The following MYO5B variants were observed in gnomAD, a reference collection of about 807,000 sequenced individuals.
MYO5B encodes the protein myosin VB.
A neutral mutation model predicts 229.3 loss-of-function variants in MYO5B; 143 were observed. The observed-to-expected ratio is 0.62, with a 90% CI of 0.54 to 0.72. The LOEUF (loss-of-function observed/expected upper bound fraction) is 0.72, where lower values mean the gene tolerates loss of function less well. Ranked by LOEUF, MYO5B falls within the 30% of genes least tolerant of loss-of-function variation. The pLI is 0.00. For synonymous variants in MYO5B, 918 were observed against 885.2 expected, an observed-to-expected ratio of 1.04 and a Z score of -0.66; for missense variants, 2,321 against 2,331.0, an observed-to-expected ratio of 1.00 and a Z score of 0.09.
At chr18:49,901,421 C>T (rs190402208) in intron 21 of MYO5B, among the ~76,000 whole-genome samples, 3 of 152,336 alleles carry the variant, frequency 2.0e-5, no homozygotes, top group Admixed American at 6.5e-5. Flanking sequence ...CAACCCCCTA[C>T]AGGGATATTT....
chr18:49,830,717 G>A (rs1026616261), intron 39 of MYO5B, among the ~76,000 whole-genome samples: 5 of 151,358 alleles, frequency 3.3e-5, no homozygotes, highest in African/African-American at 1.2e-4. Flanking sequence ...GCATGGTGGT[G>A]CATGCCTATA....
At chr18:49,885,014 C>T (rs543846849) in intron 22 of MYO5B, among the ~76,000 whole-genome samples, 1 of 152,220 alleles carries the variant, frequency 6.6e-6, no homozygotes, top group South Asian at 2.1e-4. Flanking sequence ...AAATCAGAAC[C>T]CTCATATGCT....
intron 17 of MYO5B, among the ~76,000 whole-genome samples, chr18:49,913,315 T>C (rs1166999305): frequency 6.6e-6 from 1 of 152,206 alleles, no homozygotes; most frequent in African/African-American, 2.4e-5. Flanking sequence ...CTCATTAAGG[T>C]GGTCTCGATT....
intron 1 of MYO5B, among the ~76,000 whole-genome samples, chr18:50,159,427 T>A (rs1183949010): frequency 2.0e-5 from 3 of 152,098 alleles, no homozygotes; most frequent in Admixed American, 2.0e-4. Context: ...CTCACACCCA[T>A]CTTTCCCAGG....
intron 16 of MYO5B, among the ~76,000 whole-genome samples, chr18:49,935,186 G>C (rs1418477124): frequency 2.0e-5 from 3 of 152,224 alleles, no homozygotes; most frequent in Admixed American, 1.3e-4. Context: ...TTTGACGTCA[G>C]TTAGACACTG....
chr18:50,137,960 A>C (rs1468834012), intron 1 of MYO5B, among the ~76,000 whole-genome samples: 1 of 152,238 alleles, frequency 6.6e-6, no homozygotes, highest in Non-Finnish European at 1.5e-5. Context: ...AGGAAGTAAC[A>C]GACATTGGTG....
Position 49,984,795 on chromosome 18 carries a change from T to A in MYO5B, c.869A>T (p.Gln290Leu). ...TSAEDFFYTSQGGDTSIEGVD... is the reference protein window; with the variant it reads ...TSAEDFFYTSLGGDTSIEGVD... ...ACCCTCGATGGAAGTGTCTCCTCCC[T>A]GTGATGTATAGAAAAAGTCCTCTGC... The change falls in exon 8 of 40, where the codon CAG becomes CTG. Residue 290 changes from glutamine (Q) to leucine (L), a missense_variant. Physicochemically the swap from Gln to Leu is moderately radical, Grantham distance 113 (BLOSUM62 -2). Transcript: ENST00000285039. 2 of 1,613,696 alleles carry A rather than the reference T, an allele frequency of 1.2e-6. No individual in the cohort carries two copies. Among genetic ancestry groups the A allele is most frequent in the Non-Finnish European group, 1.7e-6 (2 of 1,179,614 alleles).
At chr18:49,939,090 T>C (rs931247806) in intron 14 of MYO5B, among the ~76,000 whole-genome samples, 1 of 152,122 alleles carries the variant, frequency 6.6e-6, no homozygotes, top group Non-Finnish European at 1.5e-5. Context: ...GCTCAGACAT[T>C]ATCTAGTTTT....
In MYO5B at chr18:50,023,394, C is replaced by T. The variant is rs142173436; in HGVS notation, c.455+13456G>A. 5.9e-5 allele frequency among the ~76,000 whole-genome samples: 9 copies of T among 152,190 alleles called. No homozygotes were observed. The South Asian group carries it at 6.2e-4, about 11-fold the overall frequency. On this transcript the variant is annotated intron_variant, in intron 4 of 39. Coordinates refer to ENST00000285039, the MANE Select transcript of MYO5B (RefSeq NM_001080467.3). ...AGCTGCGGCGTGACCACAGTTCAGA[C>T]GGAAAGCACTGGACTATTTTGGTTA...
intron 4 of MYO5B, among the ~76,000 whole-genome samples, chr18:50,022,803 C>G (rs1024886209): frequency 6.6e-6 from 1 of 152,170 alleles, no homozygotes; most frequent in Admixed American, 6.5e-5. Context: ...CCAAGGGAAG[C>G]ATCCAGTGTC....
chr18:49,961,228 C>T (rs181689398), intron 12 of MYO5B, among the ~76,000 whole-genome samples: 1 of 152,306 alleles, frequency 6.6e-6, no homozygotes, highest in East Asian at 1.9e-4. Flanking sequence ...TGCTACCCCT[C>T]AGGTTAGGCA....
At chr18:50,073,398 A>G (rs1303362904) in intron 1 of MYO5B, among the ~76,000 whole-genome samples, 2 of 152,150 alleles carry the variant, frequency 1.3e-5, no homozygotes, top group East Asian at 3.9e-4. Context: ...CCTCCTCTAC[A>G]TGCAAGCATC....
chr18:50,120,441 G>A (rs547165765), intron 1 of MYO5B, among the ~76,000 whole-genome samples: 20 of 152,304 alleles, frequency 1.3e-4, no homozygotes, highest in East Asian at 3.9e-4. Context: ...GTTGGTCTGC[G>A]TTGCTGGGAC....
At chr18:50,172,372 C>T (rs575479252) in intron 1 of MYO5B, among the ~76,000 whole-genome samples, 15 of 150,810 alleles carry the variant, frequency 9.9e-5, no homozygotes, top group Non-Finnish European at 1.8e-4. Flanking sequence ...TTCTCTTATA[C>T]GATGGCCCAG....
chr18:50,156,186 G>C (rs1472948409), intron 1 of MYO5B, among the ~76,000 whole-genome samples: 1 of 152,106 alleles, frequency 6.6e-6, no homozygotes, highest in African/African-American at 2.4e-5. Context: ...CAACTTCTAG[G>C]GAACATCCAG....
At chr18:50,114,498 G>T (rs1254789256) in intron 1 of MYO5B, among the ~76,000 whole-genome samples, 1 of 152,188 alleles carries the variant, frequency 6.6e-6, no homozygotes, top group Non-Finnish European at 1.5e-5. Flanking sequence ...TCCCAGGATA[G>T]CTGCCTTCTA....
intron 1 of MYO5B, among the ~76,000 whole-genome samples, chr18:50,159,989 G>A (rs1418932172): frequency 6.6e-6 from 1 of 152,210 alleles, no homozygotes; most frequent in African/African-American, 2.4e-5. Flanking sequence ...ACTGGATCCT[G>A]GAGAGTCACA....
At chr18:49,880,225 G>C (rs373167929) in intron 23 of MYO5B, 146 bp downstream of exon 23, 9 of 784,006 alleles carry the variant, frequency 1.1e-5, no homozygotes, top group Non-Finnish European at 1.8e-5. Flanking sequence ...GATCTTAAAG[G>C]TCATTATTCT....
chr18:49,919,674 A>G (rs551580754), intron 17 of MYO5B, among the ~76,000 whole-genome samples: 21 of 152,324 alleles, frequency 1.4e-4, no homozygotes, highest in African/African-American at 5.1e-4. Flanking sequence ...ACAAGAACAA[A>G]TGTTGATGAG....
Sources: gnomAD v4.1 joint callset for allele counts (sites outside exome capture counted in the v4.1 genomes callset) on GRCh38, gnomAD v4.1.1 for gene constraint, MANE v1.5 for transcripts, NCBI Gene and HGNC (gene_info 2026-07-23, HGNC 2026-07-21) for gene names.